CSMD2: variants seen among roughly 807,000 people sequenced by gnomAD.
CSMD2 encodes CUB and sushi domain-containing protein 2.
CSMD2 carries 130 observed loss-of-function variants against 398.5 expected under a neutral mutation model. The observed-to-expected ratio is 0.33, with a 90% CI of 0.28 to 0.38. The LOEUF (loss-of-function observed/expected upper bound fraction) is 0.38. CSMD2 is among the 10% of genes least tolerant of loss of function. The pLI is 1.00. For missense variants in CSMD2, 3,829 were observed against 4,764.9 expected (o/e 0.80, Z 5.78); for synonymous variants, 1,828 against 1,908.5 (o/e 0.96, Z 1.10).
At chr1:34,138,632 T>G (rs1484095145) in intron 1 of CSMD2, among the ~76,000 whole-genome samples, 1 of 152,228 alleles carries the variant, frequency 6.6e-6, no homozygotes, top group Non-Finnish European at 1.5e-5. Context: ...ACATGTCTGA[T>G]TATTTCTTTA....
At chr1:33,607,997 C>A (rs1225252113) in intron 41 of CSMD2, among the ~76,000 whole-genome samples, 1 of 152,184 alleles carries the variant, frequency 6.6e-6, no homozygotes, top group Non-Finnish European at 1.5e-5. Context: ...AGGCTGCAAA[C>A]CTCAGTGGGA....
intron 10 of CSMD2, among the ~76,000 whole-genome samples, chr1:33,794,208 C>T (rs1458336896): frequency 6.6e-6 from 1 of 152,218 alleles, no homozygotes; most frequent in African/African-American, 2.4e-5. Flanking sequence ...ACTGACACTG[C>T]CCTCATTCAT....
At chr1:33,579,839 T>G (rs1232635006) in intron 48 of CSMD2, among the ~76,000 whole-genome samples, 1 of 152,032 alleles carries the variant, frequency 6.6e-6, no homozygotes, top group Non-Finnish European at 1.5e-5. Context: ...CCACCATGCC[T>G]GGCTAATTTT....
At chr1:33,562,322 C>T (rs1658642880) in intron 53 of CSMD2, among the ~76,000 whole-genome samples, 2 of 152,108 alleles carry the variant, frequency 1.3e-5, no homozygotes, top group Admixed American at 1.3e-4. Context: ...CTCTGGTGCC[C>T]CCATATAAGT....
At chr1:34,055,126 C>G (rs996661556) in intron 2 of CSMD2, among the ~76,000 whole-genome samples, 1 of 152,164 alleles carries the variant, frequency 6.6e-6, no homozygotes, top group African/African-American at 2.4e-5. Context: ...CTTCTCCCAG[C>G]AGTCATCCAC....
chr1:34,090,394 C>T (rs895173975), intron 1 of CSMD2, among the ~76,000 whole-genome samples: 11 of 152,190 alleles, frequency 7.2e-5, no homozygotes, highest in African/African-American at 2.4e-4. Flanking sequence ...AAGGCCTCTG[C>T]TCCTCTCTCC....
intron 2 of CSMD2, among the ~76,000 whole-genome samples, chr1:34,052,031 A>G (rs1455320596): frequency 6.6e-6 from 1 of 152,062 alleles, no homozygotes; most frequent in Non-Finnish European, 1.5e-5. Context: ...AACCGGGGGT[A>G]TTGGTCTTCT....
Position 33,624,600 on chromosome 1 carries a change from C to T in CSMD2, c.5544G>A (p.Leu1848=). The T allele has an allele frequency of 7.4e-6, 12 of 1,613,998 alleles. No homozygotes were observed. Among genetic ancestry groups the T allele is most frequent in the Non-Finnish European group, 9.3e-6 (11 of 1,179,924 alleles). The change falls in exon 35 of 71, where the codon CTG becomes CTA. Residue 1848 remains leucine (L), a synonymous_variant. Transcript: ENST00000373381. The surrounding 1 kb of genome is among the most constrained non-coding windows in gnomAD (Gnocchi z 4.7). ...GNLTERRGTI[L]SPGFPEPYLN... The stretch of plus-strand genomic sequence containing the variant: ...GGTACGGCTCTGGGAAGCCAGGGGA[C>T]AGGATGGTGCCCCTGCGCTCTGTGA...
intron 3 of CSMD2, among the ~76,000 whole-genome samples, chr1:34,016,435 A>T (rs1358807113): frequency 1.3e-5 from 2 of 152,034 alleles, no homozygotes; most frequent in Admixed American, 6.6e-5. Context: ...TAGTTTGCTG[A>T]GGATGATGGA....
chr1:34,087,524 G>A (rs1320742910), intron 2 of CSMD2, among the ~76,000 whole-genome samples: 1 of 151,614 alleles, frequency 6.6e-6, no homozygotes, highest in Non-Finnish European at 1.5e-5. Context: ...TGTAGATGAT[G>A]GGTTGATGAG....
intron 2 of CSMD2, among the ~76,000 whole-genome samples, chr1:34,070,338 A>G (rs1349023994): frequency 1.3e-5 from 2 of 152,112 alleles, no homozygotes; most frequent in Non-Finnish European, 2.9e-5. Flanking sequence ...TTTAGGGTAG[A>G]TGGGTCCTTT....
chr1:34,145,688 CA>C (rs1338654851), intron 1 of CSMD2, among the ~76,000 whole-genome samples: 2 of 152,218 alleles, frequency 1.3e-5, no homozygotes, highest in Non-Finnish European at 2.9e-5. Context: ...CGCGCCATAA[CA>C]AAGTTAGGTT....
At chr1:33,783,846 C>A (rs1460138732) in intron 12 of CSMD2, among the ~76,000 whole-genome samples, 1 of 152,136 alleles carries the variant, frequency 6.6e-6, no homozygotes, top group Non-Finnish European at 1.5e-5. Flanking sequence ...AAATGTAAAC[C>A]ACCCAGTCTT....
At position 33,617,490 on chromosome 1, in the gene CSMD2, G is replaced by C. The variant is rs1472954816; in HGVS notation, c.5946+9C>G. On this transcript the variant is annotated intron_variant, in intron 38 of 70. Transcript: ENST00000373381. The stretch of plus-strand genomic sequence containing the variant: ...CCTGTTTCCTGCTCTAGGGTGTCAG[G>C]GGAGGTACCTGGAGGGCATATCCCG... 1 of 1,601,392 alleles carries C rather than the reference G, an allele frequency of 6.2e-7. No homozygotes were observed.
intron 1 of CSMD2, among the ~76,000 whole-genome samples, chr1:34,126,085 A>G (rs1662711087): frequency 6.6e-6 from 1 of 152,226 alleles, no homozygotes; most frequent in Non-Finnish European, 1.5e-5. Context: ...GCCCTCATCC[A>G]GACCCACTCC....
At chr1:33,586,103 C>T (rs1169842740) in intron 46 of CSMD2, among the ~76,000 whole-genome samples, 3 of 152,208 alleles carry the variant, frequency 2.0e-5, no homozygotes, top group African/African-American at 4.8e-5. Context: ...CTCTCAGTTG[C>T]CTGGTTTGGC....
intron 4 of CSMD2, among the ~76,000 whole-genome samples, chr1:33,924,740 G>A (rs1453636680): frequency 3.3e-5 from 5 of 152,102 alleles, no homozygotes; most frequent in African/African-American, 1.2e-4. Context: ...ATTCTAACTA[G>A]GGTAAAATGA....
intron 2 of CSMD2, among the ~76,000 whole-genome samples, chr1:34,044,546 G>A (rs1473295738): frequency 7.2e-6 from 1 of 139,088 alleles, no homozygotes; most frequent in Non-Finnish European, 1.6e-5. Flanking sequence ...TGCTATGTCA[G>A]CCATGAGGCT....
chr1:34,018,937 T>G (rs1648510570), intron 3 of CSMD2, among the ~76,000 whole-genome samples: 1 of 152,252 alleles, frequency 6.6e-6, no homozygotes, highest in Non-Finnish European at 1.5e-5. Flanking sequence ...GAATATTTAA[T>G]TTGGATCCAA....
Sources: gnomAD v4.1 joint callset for allele counts (sites outside exome capture counted in the v4.1 genomes callset) on GRCh38, gnomAD v4.1.1 for gene constraint, Gnocchi (gnomAD v3.1) non-coding constraint, MANE v1.5 for transcripts, NCBI Gene and HGNC (gene_info 2026-07-23, HGNC 2026-07-21) for gene names.